MAP3K3: variants seen among roughly 807,000 people sequenced by gnomAD.
MAP3K3 encodes MAP/ERK kinase kinase 3.
Under a neutral mutation model 80.9 loss-of-function variants are expected in MAP3K3, and 12 were observed. The observed-to-expected ratio is 0.15, with a 90% CI of 0.10 to 0.24. The LOEUF is 0.24. MAP3K3 is among the 10% of genes least tolerant of loss of function. The probability of loss-of-function intolerance (pLI) is 1.00; values close to 1 mark genes in which losing one functional copy is unlikely to be tolerated. For synonymous variants in MAP3K3, 272 were observed against 307.1 expected (o/e 0.89, Z 1.19); for missense variants, 596 against 834.7 (o/e 0.71, Z 3.52).
chr17:63,648,014 C>G (rs973644533), intron 3 of MAP3K3, among the ~76,000 whole-genome samples: 11 of 152,188 alleles, frequency 7.2e-5, no homozygotes, highest in African/African-American at 2.7e-4. Context: ...TCCCTTTTGG[C>G]CCCAGGAGGG....
At chr17:63,632,367 C>T (rs755956827) in intron 1 of MAP3K3, among the ~76,000 whole-genome samples, 7 of 152,154 alleles carry the variant, frequency 4.6e-5, no homozygotes, top group Non-Finnish European at 1.0e-4. Context: ...TGGTGCATGC[C>T]TGTGTTCCCA....
chr17:63,676,080 A>G (rs573700514), intron 6 of MAP3K3, among the ~76,000 whole-genome samples: 3 of 152,164 alleles, frequency 2.0e-5, no homozygotes, highest in Non-Finnish European at 2.9e-5. Flanking sequence ...TCTGATAGCC[A>G]CTGGTTTGGG....
chr17:63,641,252 T>C (rs1400282794), intron 2 of MAP3K3, among the ~76,000 whole-genome samples: 1 of 151,928 alleles, frequency 6.6e-6, no homozygotes, highest in African/African-American at 2.4e-5. Flanking sequence ...CTTTTTTTTT[T>C]TTTTTCCTGA....
chr17:63,633,841 T>C (rs1375537339), intron 2 of MAP3K3, among the ~76,000 whole-genome samples: 1 of 152,198 alleles, frequency 6.6e-6, no homozygotes, highest in African/African-American at 2.4e-5. Context: ...TTGGTTCTGT[T>C]TGTTATCAGC....
At chr17:63,666,310 G>A (rs1203962914) in intron 5 of MAP3K3, among the ~76,000 whole-genome samples, 2 of 152,106 alleles carry the variant, frequency 1.3e-5, no homozygotes, top group African/African-American at 2.4e-5. Flanking sequence ...TTATTGTTGG[G>A]AAAAAGAAGC....
chr17:63,690,006 G>A (rs1444036657), intron 11 of MAP3K3: 2 of 579,330 alleles, frequency 3.5e-6, no homozygotes, highest in Non-Finnish European at 6.1e-6. Context: ...TAGGGGCTTT[G>A]GAAGGAAATG....
intron 2 of MAP3K3, among the ~76,000 whole-genome samples, chr17:63,638,568 G>A (rs1568125922): frequency 6.6e-6 from 1 of 152,100 alleles, no homozygotes; most frequent in Non-Finnish European, 1.5e-5. Flanking sequence ...AGCTCAACCC[G>A]ACAGCCCGCA....
In MAP3K3 at chr17:63,683,219, T is replaced by G. The variant is rs1192221131; in HGVS notation, c.636+1320T>G. Reference sequence around the variant, plus strand: ...AACTTTTCTTTCATTATTCAAACTATGTAGGCTATGAGAAGCCCTTTGTAC... The same window carrying G: ...AACTTTTCTTTCATTATTCAAACTAGGTAGGCTATGAGAAGCCCTTTGTAC... On this transcript the variant is annotated intron_variant, in intron 7 of 15. Transcript: ENST00000361733. Among the ~76,000 whole-genome samples, 2 of 152,244 alleles carry G rather than the reference T, an allele frequency of 1.3e-5. 1 individual carries two copies. Among genetic ancestry groups the G allele is most frequent in the South Asian group, 4.1e-4 (2 of 4,832 alleles).
chr17:63,657,424 T>C (rs1402283550), intron 4 of MAP3K3, among the ~76,000 whole-genome samples: 1 of 152,076 alleles, frequency 6.6e-6, no homozygotes, highest in African/African-American at 2.4e-5. Context: ...CTAAATGGAA[T>C]GAAATGTCCA....
rs2035592491 is a variant in MAP3K3, at chr17:63,691,622, G to C, written c.1345-111G>C. 1 of 1,461,512 alleles carries C rather than the reference G, an allele frequency of 6.8e-7. No homozygotes were observed. The highest frequency in any genetic ancestry group is 1.4e-5 in the African/African-American group (1 of 71,092). 90.5% of individuals were successfully genotyped at this position (1,461,512 alleles called of 1,614,324 possible). A position where few individuals can be genotyped will look rare whatever the true frequency, so the allele number is the denominator to read the frequency against. On this transcript the variant is annotated intron_variant, in intron 13 of 15. Coordinates refer to ENST00000361733, the MANE Select transcript of MAP3K3 (RefSeq NM_002401.5). This position sits in a 1 kb window ranked among gnomAD's most constrained non-coding sequence, Gnocchi z 4.8. ...CCTGGCAAAATGCCCTGCCCAGCCA[G>C]ATAGGAATTGAACAAATCACTCCTT...
At chr17:63,643,204 A>G (rs2034479114) in intron 2 of MAP3K3, among the ~76,000 whole-genome samples, 1 of 152,156 alleles carries the variant, frequency 6.6e-6, no homozygotes, top group Non-Finnish European at 1.5e-5. Context: ...AATGTAAGAT[A>G]TTAATAATAG....
At chr17:63,671,916 G>A (rs967583697) in intron 6 of MAP3K3, among the ~76,000 whole-genome samples, 2 of 151,926 alleles carry the variant, frequency 1.3e-5, no homozygotes, top group Non-Finnish European at 2.9e-5. Context: ...GGAGGCTAAG[G>A]TGGGAGGATG....
At chr17:63,673,290 C>G (rs2035147296) in intron 6 of MAP3K3, among the ~76,000 whole-genome samples, 1 of 152,124 alleles carries the variant, frequency 6.6e-6, no homozygotes, top group South Asian at 2.1e-4. Flanking sequence ...CATGTGAAGC[C>G]AGGTATCATG....
chr17:63,691,380 G>A lies in MAP3K3; in HGVS notation c.1344+147G>A. On this transcript the variant is annotated intron_variant, in intron 13 of 15. Transcript: ENST00000361733. The surrounding 1 kb of genome is among the most constrained non-coding windows in gnomAD (Gnocchi z 4.8). The stretch of plus-strand genomic sequence containing the variant: ...GAGGAGCAAAGTGAGGTGATGGTGG[G>A]ACTTGGAGTCAGGAGGGCCCTGCCT... The A allele has an allele frequency of 8.6e-7, 1 of 1,167,910 alleles. No individual in the cohort carries two copies. The highest frequency in any genetic ancestry group is 1.2e-6 in the Non-Finnish European group (1 of 819,962). 72.3% of individuals were successfully genotyped at this position (1,167,910 alleles called of 1,614,324 possible).
At chr17:63,623,302 G>C (rs554090241) in intron 1 of MAP3K3, among the ~76,000 whole-genome samples, 57 of 152,368 alleles carry the variant, frequency 3.7e-4, no homozygotes, top group African/African-American at 1.3e-3. Context: ...GGCGTGCGGG[G>C]CTCGGCTAGG....
chr17:63,680,589 C>T (rs961647961), intron 6 of MAP3K3, among the ~76,000 whole-genome samples: 13 of 152,102 alleles, frequency 8.5e-5, no homozygotes, highest in African/African-American at 3.1e-4. Context: ...GGAAGGAGGA[C>T]CTGATTTCTC....
intron 12 of MAP3K3, 101 bp downstream of exon 12, chr17:63,690,513 C>T (rs919714991): frequency 6.9e-6 from 9 of 1,308,780 alleles, no homozygotes; most frequent in Admixed American, 6.1e-5. Flanking sequence ...GTTGCTTCCT[C>T]TGTCATTCTT....
Position 63,622,652 on chromosome 17 carries a change from C to T in MAP3K3, c.-108C>T. The T allele has an allele frequency of 4.3e-6, 1 of 234,752 alleles. No individual in the cohort carries two copies. The highest frequency in any genetic ancestry group is 5.6e-5 in the South Asian group (1 of 17,784). 14.5% of individuals were successfully genotyped at this position (234,752 alleles called of 1,614,324 possible). ...CCCAGAGCGCAGCCCGCGCCCCCCG[C>T]GCGGAGCCAGGCCCGCTGCCGTCCC... On this transcript the variant is annotated 5_prime_UTR_variant, in exon 1 of 16. Transcript: ENST00000361733.
intron 3 of MAP3K3, among the ~76,000 whole-genome samples, chr17:63,650,095 A>G (rs2034619865): frequency 1.3e-5 from 2 of 152,210 alleles, no homozygotes; most frequent in South Asian, 4.1e-4. Flanking sequence ...AGGTGTACTA[A>G]GAGATGAAGG....
Sources: allele counts gnomAD v4.1 joint callset (sites outside exome capture counted in the v4.1 genomes callset), GRCh38; gene constraint gnomAD v4.1.1; non-coding constraint Gnocchi (gnomAD v3.1); transcripts MANE v1.5; gene names NCBI Gene and HGNC (gene_info 2026-07-23, HGNC 2026-07-21).